Variants in PRR16 observed in about 807,000 individuals in gnomAD.
The protein encoded by PRR16 is protein Largen.
In PRR16, 6 loss-of-function variants were observed where a neutral mutation model predicts 18.2. The ratio of observed to expected loss-of-function variants is 0.33; its 90% CI spans 0.18 to 0.65. The LOEUF is 0.65. Among genes scored for constraint, PRR16 ranks in the 30% least tolerant of loss-of-function variants. The probability of loss-of-function intolerance (pLI) is 0.74; values close to 1 mark genes in which losing one functional copy is unlikely to be tolerated. For synonymous variants in PRR16, 151 were observed against 147.8 expected, an observed-to-expected ratio of 1.02 and a Z score of -0.16; for missense variants, 412 against 376.6, an observed-to-expected ratio of 1.09 and a Z score of -0.78.
At chr5:120,753,551 T>C in the PRR16 span, among the ~76,000 whole-genome samples, 1 of 151,660 alleles carries the variant, frequency 6.6e-6, no homozygotes, top group African/African-American at 2.4e-5. Context: ...TGTGTTTATT[T>C]TTTATTAAAA....
chr5:120,637,441 G>T (rs1755273749), intron 1 of PRR16, among the ~76,000 whole-genome samples: 1 of 151,326 alleles, frequency 6.6e-6, no homozygotes, highest in Non-Finnish European at 1.5e-5. Flanking sequence ...AGAAAATATG[G>T]TATGTATGTA....
chr5:120,725,057 T>G, the PRR16 span, among the ~76,000 whole-genome samples: 1 of 152,006 alleles, frequency 6.6e-6, no homozygotes, highest in African/African-American at 2.4e-5. Flanking sequence ...GATAACTGAA[T>G]AAAATAAGAA....
chr5:120,640,472 A>G (rs1755385617), intron 1 of PRR16, among the ~76,000 whole-genome samples: 1 of 152,128 alleles, frequency 6.6e-6, no homozygotes, highest in Admixed American at 6.6e-5. Flanking sequence ...TGGTCATTCT[A>G]ATATAATGCC....
chr5:120,753,588 G>C, the PRR16 span, among the ~76,000 whole-genome samples: 4 of 151,560 alleles, frequency 2.6e-5, no homozygotes, highest in African/African-American at 9.7e-5. Context: ...ATTCAGATCA[G>C]TGTGAGAATG....
the PRR16 span, among the ~76,000 whole-genome samples, chr5:120,773,179 TTATTAG>T: frequency 6.6e-6 from 1 of 152,122 alleles, no homozygotes; most frequent in African/African-American, 2.4e-5. Context: ...GTTAAAATTT[TTATTAG>T]TATCAGTTAA....
the PRR16 span, among the ~76,000 whole-genome samples, chr5:120,794,499 T>C: frequency 6.6e-6 from 1 of 152,142 alleles, no homozygotes; most frequent in Non-Finnish European, 1.5e-5. Flanking sequence ...TGATTTTTGA[T>C]GTTACTGTTG....
chr5:120,694,021 C>G, the PRR16 span, among the ~76,000 whole-genome samples: 1 of 152,154 alleles, frequency 6.6e-6, no homozygotes, highest in Non-Finnish European at 1.5e-5. Context: ...CTAACAATTT[C>G]GCCTGTATTC....
At chr5:120,770,495 C>T in the PRR16 span, among the ~76,000 whole-genome samples, 1 of 151,854 alleles carries the variant, frequency 6.6e-6, no homozygotes, top group Non-Finnish European at 1.5e-5. Context: ...AAGGGAAAAG[C>T]TTTTTGACAT....
chr5:120,517,613 T>C (rs767412080), intron 1 of PRR16, among the ~76,000 whole-genome samples: 8 of 152,158 alleles, frequency 5.3e-5, no homozygotes, highest in Non-Finnish European at 1.2e-4. Context: ...ATTTCATGGA[T>C]TTCTTTTCTT....
chr5:120,589,384 T>C (rs1467462352), intron 1 of PRR16, among the ~76,000 whole-genome samples: 18 of 152,106 alleles, frequency 1.2e-4, no homozygotes, highest in Non-Finnish European at 8.8e-5. Flanking sequence ...ATAACATAGT[T>C]TAGTCCTAGG....
chr5:120,761,523 G>C, the PRR16 span, among the ~76,000 whole-genome samples: 1 of 152,014 alleles, frequency 6.6e-6, no homozygotes, highest in African/African-American at 2.4e-5. Flanking sequence ...ACTAGTTAGA[G>C]GTTGCAAAAT....
At chr5:120,616,323 C>T (rs1413437558) in intron 1 of PRR16, among the ~76,000 whole-genome samples, 2 of 152,170 alleles carry the variant, frequency 1.3e-5, no homozygotes, top group African/African-American at 4.8e-5. Flanking sequence ...AACAATCTTG[C>T]ATTTCTGAAT....
intron 1 of PRR16, among the ~76,000 whole-genome samples, chr5:120,489,395 A>G (rs940620923): frequency 2.0e-5 from 3 of 151,978 alleles, no homozygotes; most frequent in African/African-American, 4.8e-5. Context: ...TGATCCCTTT[A>G]CCATTATGTA....
At chr5:120,571,669 C>T (rs189630916) in intron 1 of PRR16, among the ~76,000 whole-genome samples, 1 of 152,256 alleles carries the variant, frequency 6.6e-6, no homozygotes, top group African/African-American at 2.4e-5. Flanking sequence ...GAGAGGCATG[C>T]AGGTACCTTG....
chr5:120,788,092 C>T, the PRR16 span, among the ~76,000 whole-genome samples: 3 of 151,758 alleles, frequency 2.0e-5, no homozygotes, highest in Non-Finnish European at 4.4e-5. Context: ...ATTCAAATGC[C>T]ACCTTTTGTA....
chr5:120,571,646 T>G (rs1752910339), intron 1 of PRR16, among the ~76,000 whole-genome samples: 1 of 152,134 alleles, frequency 6.6e-6, no homozygotes, highest in Admixed American at 6.6e-5. Flanking sequence ...TTAGAAGGCT[T>G]TAAGTTATCT....
At chr5:120,602,232 A>G (rs1280819729) in intron 1 of PRR16, among the ~76,000 whole-genome samples, 1 of 151,420 alleles carries the variant, frequency 6.6e-6, no homozygotes, top group Non-Finnish European at 1.5e-5. Flanking sequence ...GTTATCTCTG[A>G]TTCTTTTACT....
chr5:120,754,387 T>A, the PRR16 span, among the ~76,000 whole-genome samples: 19 of 73,942 alleles, frequency 2.6e-4, no homozygotes, highest in East Asian at 1.2e-3. Flanking sequence ...AACATATATA[T>A]TATATGTTAT....
At chr5:120,790,468 A>G in the PRR16 span, 2 of 151,954 alleles carry the variant, frequency 1.3e-5, no homozygotes, top group South Asian at 4.2e-4. Context: ...GACAAAAAGA[A>G]AACTGAATGA....
Sources: allele counts gnomAD v4.1 joint callset (sites outside exome capture counted in the v4.1 genomes callset), GRCh38; gene constraint gnomAD v4.1.1; transcripts MANE v1.5; gene names NCBI Gene and HGNC (gene_info 2026-07-23, HGNC 2026-07-21).